TOX3: variants seen among roughly 807,000 people sequenced by gnomAD.
TOX3 encodes the protein TOX high mobility group box family member 3, also known as CAG trinucleotide repeat-containing gene F9 protein.
Under a neutral mutation model 64.3 loss-of-function variants are expected in TOX3, and 22 were observed. The ratio of observed to expected loss-of-function variants is 0.34; its 90% CI spans 0.24 to 0.49. The LOEUF (loss-of-function observed/expected upper bound fraction) is 0.49. Among genes scored for constraint, TOX3 ranks in the 20% least tolerant of loss-of-function variants. The pLI is 0.99. For synonymous variants in TOX3, 291 were observed against 273.6 expected (o/e 1.06, Z -0.63); for missense variants, 661 against 714.4 (o/e 0.93, Z 0.85).
At chr16:52,543,878 T>C (rs1051730775) in intron 1 of TOX3, among the ~76,000 whole-genome samples, 1 of 152,178 alleles carries the variant, frequency 6.6e-6, no homozygotes, top group African/African-American at 2.4e-5. Context: ...ATAATACACA[T>C]GCATATAATT....
intron 1 of TOX3, among the ~76,000 whole-genome samples, chr16:52,520,625 A>T (rs1962585323): frequency 6.6e-6 from 1 of 152,258 alleles, no homozygotes; most frequent in Non-Finnish European, 1.5e-5. Flanking sequence ...AGATTAGGAA[A>T]GTAATATGGT....
At chr16:52,542,271 C>T (rs1963091372) in intron 1 of TOX3, among the ~76,000 whole-genome samples, 1 of 152,144 alleles carries the variant, frequency 6.6e-6, no homozygotes, top group South Asian at 2.1e-4. Flanking sequence ...CATAGTTGGA[C>T]ATGGGAGCAG....
chr16:52,531,566 G>A (rs979014224), intron 1 of TOX3, among the ~76,000 whole-genome samples: 13 of 152,098 alleles, frequency 8.5e-5, no homozygotes, highest in East Asian at 3.8e-4. Context: ...TTATTGTATG[G>A]GTAATCTTTA....
Position 52,444,304 on chromosome 16 carries a change from G to A in TOX3, c.959C>T (p.Ala320Val), listed in dbSNP as rs371378216. ...AGAAACGAGGCTGGCCCTGTATGCC[G>A]CCAGGGCCTTCAGGTATTCTTTTTT... ...AAKKEYLKAL[A>V]AYRASLVSKA... Residue 320 changes from alanine to valine, a missense_variant, in exon 6 of 7, where the codon GCG becomes GTG. This residue lies in a region of TOX3 where 103 missense variants were observed against 161.2 expected (regional missense o/e 0.64). Coordinates refer to ENST00000219746, the MANE Select transcript of TOX3 (RefSeq NM_001080430.4). The A allele has an allele frequency of 6.3e-7, 1 of 1,588,124 alleles. No homozygotes were observed. Among genetic ancestry groups the A allele is most frequent in the Non-Finnish European group, 8.6e-7 (1 of 1,165,314 alleles).
intron 4 of TOX3, among the ~76,000 whole-genome samples, chr16:52,447,671 A>T (rs1186000401): frequency 6.6e-6 from 1 of 152,194 alleles, no homozygotes; most frequent in Non-Finnish European, 1.5e-5. Flanking sequence ...AATTCTCTAG[A>T]GCCCATAGTC....
Position 52,464,089 on chromosome 16 carries a change from G to A in TOX3, c.253C>T (p.Leu85=). ...SDPALGMPDV[L]LPFQALSDPL... is the part of the protein sequence containing the mutation. ...TCGCTGAGGGCTTGAAAGGGTAGCAGTACATCCGGCATGCCTAGGGCAGGG... is the reference window on the plus strand; with the variant it reads ...TCGCTGAGGGCTTGAAAGGGTAGCAATACATCCGGCATGCCTAGGGCAGGG... Residue 85 remains leucine, a synonymous_variant, in exon 3 of 7, where the codon CTG becomes TTG. Transcript: ENST00000219746. 1 of 1,604,362 alleles carries A rather than the reference G, an allele frequency of 6.2e-7. No homozygotes were observed. The highest frequency in any genetic ancestry group is 8.5e-7 in the Non-Finnish European group (1 of 1,175,660).
At chr16:52,453,966 A>C (rs1960439071) in intron 3 of TOX3, among the ~76,000 whole-genome samples, 1 of 152,208 alleles carries the variant, frequency 6.6e-6, no homozygotes, top group African/African-American at 2.4e-5. Context: ...GCACTTTCTA[A>C]TTTAATCCCC....
At chr16:52,495,914 A>T (rs1438339996) in intron 1 of TOX3, among the ~76,000 whole-genome samples, 1 of 152,114 alleles carries the variant, frequency 6.6e-6, no homozygotes. Flanking sequence ...TCTCACCTCC[A>T]CCCCATCATC....
chr16:52,446,921 A>G (rs1199345061), intron 4 of TOX3, among the ~76,000 whole-genome samples: 1 of 152,240 alleles, frequency 6.6e-6, no homozygotes, highest in East Asian at 1.9e-4. Context: ...TGTAAAAAAA[A>G]GAGCAATAGT....
chr16:52,538,241 T>A (rs1284870071), intron 1 of TOX3, among the ~76,000 whole-genome samples: 2 of 152,222 alleles, frequency 1.3e-5, no homozygotes, highest in South Asian at 2.1e-4. Context: ...ATTTAACTCA[T>A]CCCCTTTTGA....
Position 52,463,541 on chromosome 16 carries a change from T to A in TOX3, c.408+393A>T, listed in dbSNP as rs1446499922. Among the ~76,000 whole-genome samples the A allele has an allele frequency of 2.6e-5, 4 of 152,332 alleles. No homozygotes were observed. In the East Asian group the frequency reaches 7.7e-4, roughly 29 times the overall value. On this transcript the variant is annotated intron_variant, in intron 3 of 6. Coordinates refer to ENST00000219746, the MANE Select transcript of TOX3 (RefSeq NM_001080430.4). ...AAGAATAAATCGTGTATCGTAAGCA[T>A]TATAATACTAAAAACTCAAAAGACT...
intron 1 of TOX3, among the ~76,000 whole-genome samples, chr16:52,500,897 A>G (rs969167082): frequency 6.6e-6 from 1 of 152,230 alleles, no homozygotes; most frequent in Non-Finnish European, 1.5e-5. Flanking sequence ...ACTTGTCCAC[A>G]GTTACACACA....
At position 52,546,561 on chromosome 16, in the gene TOX3, G is replaced by A; in HGVS notation, c.87+76C>T. ...AGGCCAAAGAAAAGTGCAGCAGGCG[G>A]TGAGCCCGAGCGCGGGGCGCGCCCA... On this transcript the variant is annotated intron_variant, in intron 1 of 6. Transcript: ENST00000219746. The A allele has an allele frequency of 4.4e-6, 6 of 1,366,026 alleles. No individual in the cohort carries two copies. In the South Asian group the frequency reaches 8.0e-5, roughly 18 times the overall value. 84.6% of individuals were successfully genotyped at this position (1,366,026 alleles called of 1,614,324 possible). A position where few individuals can be genotyped will look rare whatever the true frequency, so the allele number is the denominator to read the frequency against.
rs563292803 is a variant in TOX3, at chr16:52,512,063, T to C, written c.87+34574A>G. On this transcript the variant is annotated intron_variant, in intron 1 of 6. Coordinates refer to ENST00000219746, the MANE Select transcript of TOX3 (RefSeq NM_001080430.4). ...TGCCATATCTGCCTCCCAGGGTAAG[T>C]CTGAGGAACTCTCCCTGTGGTTTAT... is the stretch of plus-strand genomic sequence containing the variant. Among the ~76,000 whole-genome samples, 14 of 152,298 alleles carry C rather than the reference T, an allele frequency of 9.2e-5. No homozygotes were observed. In the East Asian group the frequency reaches 1.9e-3, roughly 21 times the overall value.
intron 1 of TOX3, among the ~76,000 whole-genome samples, chr16:52,546,147 G>C (rs1963177161): frequency 6.6e-6 from 1 of 152,000 alleles, no homozygotes; most frequent in African/African-American, 2.4e-5. Context: ...ATACTCAAAA[G>C]TTTGTTCCTT....
rs1253986612 is a variant in TOX3, at chr16:52,449,574, G to A, written c.678+703C>T. Among the ~76,000 whole-genome samples, 3 of 152,042 alleles carry A rather than the reference G, an allele frequency of 2.0e-5. No individual in the cohort carries two copies. The South Asian group carries it at 6.2e-4, about 31-fold the overall frequency. On this transcript the variant is annotated intron_variant, in intron 4 of 6. Coordinates refer to ENST00000219746, the MANE Select transcript of TOX3 (RefSeq NM_001080430.4). ...AAACATTGCTATTCATCCCCAAAGG[G>A]GAATCTCATTAGCAGTAATTCTCTT...
At chr16:52,483,085 C>T (rs1961410858) in intron 1 of TOX3, among the ~76,000 whole-genome samples, 1 of 152,152 alleles carries the variant, frequency 6.6e-6, no homozygotes, top group African/African-American at 2.4e-5. Flanking sequence ...AAGCCACTCC[C>T]TTTTCCACTG....
chr16:52,497,053 A>G (rs1225199453), intron 1 of TOX3, among the ~76,000 whole-genome samples: 2 of 152,236 alleles, frequency 1.3e-5, no homozygotes, highest in Non-Finnish European at 2.9e-5. Context: ...ATAGAAAATG[A>G]GAAACAGAAA....
chr16:52,495,016 C>T (rs375623665), intron 1 of TOX3, among the ~76,000 whole-genome samples: 1 of 152,134 alleles, frequency 6.6e-6, no homozygotes, highest in African/African-American at 2.4e-5. Flanking sequence ...TGGGTGAAAG[C>T]GGCATCGGTT....
Sources: gnomAD v4.1 joint callset for allele counts (sites outside exome capture counted in the v4.1 genomes callset) on GRCh38, gnomAD v4.1.1 for gene constraint, gnomAD v4.1.1 regional missense constraint, MANE v1.5 for transcripts, NCBI Gene and HGNC (gene_info 2026-07-23, HGNC 2026-07-21) for gene names.